SGK1: variants seen among roughly 807,000 people sequenced by gnomAD.
SGK1 encodes serine/threonine-protein kinase Sgk1.
A neutral mutation model predicts 64.2 loss-of-function variants in SGK1; 26 were observed. The ratio of observed to expected loss-of-function variants is 0.40; its 90% CI spans 0.30 to 0.56. The LOEUF (loss-of-function observed/expected upper bound fraction) is 0.56. SGK1 is among the 20% of genes least tolerant of loss of function. The probability of loss-of-function intolerance (pLI) is 0.38; values close to 1 mark genes in which losing one functional copy is unlikely to be tolerated. For synonymous variants in SGK1, 265 were observed against 239.7 expected (o/e 1.11, Z -0.98); for missense variants, 519 against 645.6 (o/e 0.80, Z 2.12).
chr6:134,300,726 G>A (rs1287719440), intron 1 of SGK1, among the ~76,000 whole-genome samples: 1 of 144,790 alleles, frequency 6.9e-6, no homozygotes, highest in African/African-American at 2.5e-5. Context: ...TCCACCTCCT[G>A]GGTTCAAGCA....
chr6:134,212,629 T>C (rs1008827376), intron 2 of SGK1, among the ~76,000 whole-genome samples: 2 of 151,724 alleles, frequency 1.3e-5, no homozygotes, highest in Non-Finnish European at 2.9e-5. Context: ...AACTAAGGAG[T>C]TGGTTTTGAG....
At chr6:134,241,513 T>C (rs1319628705) in intron 2 of SGK1, among the ~76,000 whole-genome samples, 1 of 152,000 alleles carries the variant, frequency 6.6e-6, no homozygotes, top group East Asian at 1.9e-4. Flanking sequence ...ATCTGGGGAA[T>C]GCTGAGCCTC....
At chr6:134,298,837 G>T (rs183187288) in intron 1 of SGK1, 2 of 246,486 alleles carry the variant, frequency 8.1e-6, no homozygotes, top group African/African-American at 2.4e-5. Context: ...GTCTCTCTCC[G>T]TCGCCCAGGC....
chr6:134,263,175 A>C (rs528934265), intron 1 of SGK1, among the ~76,000 whole-genome samples: 9 of 152,316 alleles, frequency 5.9e-5, no homozygotes, highest in African/African-American at 1.9e-4. Context: ...AGTTATTCTT[A>C]CAAGGGAAAA....
chr6:134,249,171 A>G (rs1776569549), intron 2 of SGK1, among the ~76,000 whole-genome samples: 1 of 152,194 alleles, frequency 6.6e-6, no homozygotes, highest in Non-Finnish European at 1.5e-5. Flanking sequence ...ATCCAAAACC[A>G]TAAACCTCCT....
chr6:134,317,202 A>G (rs1777699584), intron 1 of SGK1, among the ~76,000 whole-genome samples, 190 bp downstream of exon 1: 1 of 152,056 alleles, frequency 6.6e-6, no homozygotes, highest in South Asian at 2.1e-4. Flanking sequence ...GCAACTCTTC[A>G]TAGCCCCCTG....
At chr6:134,274,280 A>G (rs1776986513) in intron 1 of SGK1, among the ~76,000 whole-genome samples, 1 of 152,194 alleles carries the variant, frequency 6.6e-6, no homozygotes, top group African/African-American at 2.4e-5. Flanking sequence ...CTAGGATTAT[A>G]GGCGTGAGCC....
In SGK1 at chr6:134,170,070, G is replaced by A; in HGVS notation, c.*198C>T. On this transcript the variant is annotated 3_prime_UTR_variant, in exon 14 of 14. Coordinates refer to ENST00000367858, the MANE Select transcript of SGK1 (RefSeq NM_001143676.3). ...CCACGTTGGAAGGAAGAATAAAAAT[G>A]AAAACCTCATGAGCTCACTGAGGAG... The A allele has an allele frequency of 2.4e-6, 1 of 417,698 alleles. No homozygotes were observed. Among genetic ancestry groups the A allele is most frequent in the Non-Finnish European group, 4.3e-6 (1 of 233,342 alleles). The allele number at this position is 417,698 out of a possible 1,614,324, so 25.9% of individuals were successfully genotyped here.
At chr6:134,217,909 C>G (rs1776012910) in intron 2 of SGK1, among the ~76,000 whole-genome samples, 1 of 152,226 alleles carries the variant, frequency 6.6e-6, no homozygotes, top group South Asian at 2.1e-4. Context: ...TTCAGTTTGG[C>G]CTTTGTAATT....
intron 1 of SGK1, among the ~76,000 whole-genome samples, chr6:134,314,164 A>G (rs1777644368): frequency 6.6e-6 from 1 of 151,854 alleles, no homozygotes; most frequent in Non-Finnish European, 1.5e-5. Context: ...GATGAGAAGC[A>G]TAAATCCAAA....
At chr6:134,296,438 A>G (rs1777348318) in intron 1 of SGK1, among the ~76,000 whole-genome samples, 2 of 151,982 alleles carry the variant, frequency 1.3e-5, no homozygotes, top group African/African-American at 4.8e-5. Context: ...TGCTCAGCTA[A>G]CTTTTTCATT....
At chr6:134,240,065 G>A (rs1179179118) in intron 2 of SGK1, among the ~76,000 whole-genome samples, 1 of 152,170 alleles carries the variant, frequency 6.6e-6, no homozygotes, top group African/African-American at 2.4e-5. Flanking sequence ...GCCATGATGT[G>A]CGGATCACTT....
In SGK1 at chr6:134,174,928, A is replaced by G. The variant is rs1023774624; in HGVS notation, c.362-342T>C. 6 of 1,518,154 alleles carry G rather than the reference A, an allele frequency of 4.0e-6. 1 individual carries two copies. Among genetic ancestry groups the G allele is most frequent in the Non-Finnish European group, 3.5e-6 (4 of 1,140,162 alleles). The allele number at this position is 1,518,154 out of a possible 1,614,324, so 94.0% of individuals were successfully genotyped here. On this transcript the variant is annotated intron_variant, in intron 3 of 13. Coordinates refer to ENST00000367858, the MANE Select transcript of SGK1 (RefSeq NM_001143676.3). The stretch of plus-strand genomic sequence containing the variant: ...GCCGCGGGGGCGGGGCCTGCGCGAC[A>G]GTGAGAAGTGGCCCCGCCCTTCGCC...
chr6:134,242,409 C>T (rs1776463440), intron 2 of SGK1, among the ~76,000 whole-genome samples: 1 of 151,992 alleles, frequency 6.6e-6, no homozygotes, highest in African/African-American at 2.4e-5. Flanking sequence ...TCGCTTGAAC[C>T]TGGGAGGCGG....
At chr6:134,211,878 A>G (rs1482383203) in intron 2 of SGK1, among the ~76,000 whole-genome samples, 13 of 63,960 alleles carry the variant, frequency 2.0e-4, no homozygotes, top group East Asian at 3.1e-4. Context: ...GTCTACAAGG[A>G]AAAAAAAAAA....
Position 134,296,497 on chromosome 6 carries a change from A to G in SGK1, c.69+20895T>C, listed in dbSNP as rs933553313. Among the ~76,000 whole-genome samples the G allele has an allele frequency of 3.5e-4, 53 of 152,132 alleles. 1 individual carries two copies. Among genetic ancestry groups the G allele is most frequent in the Non-Finnish European group, 2.2e-4 (15 of 68,014 alleles). On this transcript the variant is annotated intron_variant, in intron 1 of 13. Coordinates refer to ENST00000367858, the MANE Select transcript of SGK1 (RefSeq NM_001143676.3). Reference sequence around the variant, plus strand: ...TTGGAAGGCAGCTATGCTCACCACTACACTGCCAACACCAGGATCTCACTT... The same window carrying G: ...TTGGAAGGCAGCTATGCTCACCACTGCACTGCCAACACCAGGATCTCACTT...
chr6:134,233,621 T>C (rs1331752754), intron 2 of SGK1, among the ~76,000 whole-genome samples: 1 of 152,236 alleles, frequency 6.6e-6, no homozygotes, highest in Non-Finnish European at 1.5e-5. Context: ...CGAAATTGCA[T>C]ACTTGCATAT....
intron 3 of SGK1, among the ~76,000 whole-genome samples, chr6:134,206,128 T>C (rs559841301): frequency 2.3e-4 from 35 of 152,058 alleles, no homozygotes; most frequent in African/African-American, 8.0e-4. Context: ...CCTAATATCA[T>C]AGTGCAAGTA....
chr6:134,184,349 A>G (rs1186590163), intron 3 of SGK1, among the ~76,000 whole-genome samples: 1 of 151,534 alleles, frequency 6.6e-6, no homozygotes, highest in Non-Finnish European at 1.5e-5. Flanking sequence ...AAAAATATAT[A>G]CAAAAATTAG....
Sources: allele counts gnomAD v4.1 joint callset (sites outside exome capture counted in the v4.1 genomes callset), GRCh38; gene constraint gnomAD v4.1.1; transcripts MANE v1.5; gene names NCBI Gene and HGNC (gene_info 2026-07-23, HGNC 2026-07-21).